The following SCAPER variants were observed in gnomAD, a reference collection of about 807,000 sequenced individuals.
SCAPER encodes S-phase cyclin A associated protein in the ER.
A neutral mutation model predicts 182.2 loss-of-function variants in SCAPER; 98 were observed. The ratio of observed to expected loss-of-function variants is 0.54; its 90% CI spans 0.46 to 0.64. The LOEUF (loss-of-function observed/expected upper bound fraction) is 0.64. Among genes scored for constraint, SCAPER ranks in the 30% least tolerant of loss-of-function variants. The pLI, the probability that SCAPER is intolerant of heterozygous loss-of-function variation, is 0.00. For synonymous variants in SCAPER, 605 were observed against 564.6 expected, an observed-to-expected ratio of 1.07 and a Z score of -1.01; for missense variants, 1,432 against 1,690.0, an observed-to-expected ratio of 0.85 and a Z score of 2.68.
At chr15:76,524,482 A>G in intron 23 of SCAPER, among the ~76,000 whole-genome samples, 1 of 152,222 alleles carries the variant, frequency 6.6e-6, no homozygotes, top group Non-Finnish European at 1.5e-5. Context: ...TGATTCCATT[A>G]GAAACAAGAT....
chr15:76,520,846 A>ATATT (rs1361200169), intron 23 of SCAPER, among the ~76,000 whole-genome samples: 6 of 152,200 alleles, frequency 3.9e-5, no homozygotes, highest in African/African-American at 1.4e-4. Flanking sequence ...ACACCATAGT[A>ATATT]TATTGCCTCC....
chr15:76,482,399 C>G (rs2051216781), intron 24 of SCAPER, among the ~76,000 whole-genome samples: 1 of 152,110 alleles, frequency 6.6e-6, no homozygotes, highest in Non-Finnish European at 1.5e-5. Context: ...TAAAGAGCAT[C>G]TATAAGAAAC....
chr15:76,427,304 G>A (rs965148594), intron 26 of SCAPER, among the ~76,000 whole-genome samples: 2 of 152,142 alleles, frequency 1.3e-5, no homozygotes, highest in Non-Finnish European at 1.5e-5. Context: ...GAAAATATCT[G>A]CAAACTATAC....
intron 22 of SCAPER, among the ~76,000 whole-genome samples, chr15:76,604,932 A>T (rs1299197667): frequency 1.3e-5 from 2 of 152,022 alleles, no homozygotes; most frequent in Non-Finnish European, 1.5e-5. Flanking sequence ...TTGGGCTGAG[A>T]CGATGGGGTT....
chr15:76,870,146 T>C (rs1262682350), intron 2 of SCAPER, among the ~76,000 whole-genome samples: 2 of 152,014 alleles, frequency 1.3e-5, no homozygotes, highest in Non-Finnish European at 2.9e-5. Context: ...GGTACAAATA[T>C]ATGGTTGGAT....
intron 29 of SCAPER, among the ~76,000 whole-genome samples, chr15:76,363,864 C>A (rs927779683): frequency 1.3e-5 from 2 of 152,208 alleles, no homozygotes; most frequent in African/African-American, 4.8e-5. Context: ...GGTGGCCAGG[C>A]GAGGCCAGTG....
intron 27 of SCAPER, among the ~76,000 whole-genome samples, chr15:76,382,936 T>C (rs1474878081): frequency 7.9e-5 from 12 of 152,172 alleles, no homozygotes; most frequent in Non-Finnish European, 1.2e-4. Context: ...AGGCAAGTTA[T>C]AAGTTTCTAC....
chr15:76,756,559 A>G (rs1004574547), intron 14 of SCAPER, among the ~76,000 whole-genome samples: 84 of 152,334 alleles, frequency 5.5e-4, no homozygotes, highest in Admixed American at 2.4e-3. Context: ...GCTGGGAGAC[A>G]GAGCAAGTCC....
At chr15:76,444,081 C>T (rs2047818481) in intron 25 of SCAPER, among the ~76,000 whole-genome samples, 1 of 152,212 alleles carries the variant, frequency 6.6e-6, no homozygotes, top group African/African-American at 2.4e-5. Flanking sequence ...CCTGGGAAAG[C>T]TTCACCAGAG....
chr15:76,492,411 T>C (rs1479375922), intron 24 of SCAPER, among the ~76,000 whole-genome samples: 2 of 152,222 alleles, frequency 1.3e-5, no homozygotes, highest in Non-Finnish European at 2.9e-5. Context: ...AATTTATTTA[T>C]TGTGGCAAGC....
intron 24 of SCAPER, among the ~76,000 whole-genome samples, chr15:76,499,420 G>C (rs2143669428): frequency 6.6e-6 from 1 of 152,260 alleles, no homozygotes; most frequent in South Asian, 2.1e-4. Flanking sequence ...GGCCATATTT[G>C]GCAAAAATGA....
rs115008372 is a variant in SCAPER, at chr15:76,887,517, G to A, written c.-59-3641C>T. On this transcript the variant is annotated intron_variant, in intron 1 of 31. Coordinates refer to ENST00000563290, the MANE Select transcript of SCAPER (RefSeq NM_020843.4). ...GGAGATCCTCTCCCATGCCTGGCTC[G>A]GTGGGTCCCACACCCACGGAGCCTT... Among the ~76,000 whole-genome samples the A allele has an allele frequency of 6.7e-3, 1,024 of 152,216 alleles. 13 individuals carry two copies. Among genetic ancestry groups the A allele is most frequent in the African/African-American group, 0.023 (968 of 41,532 alleles).
chr15:76,610,547 A>C (rs1378288697), intron 22 of SCAPER, among the ~76,000 whole-genome samples: 1 of 152,222 alleles, frequency 6.6e-6, no homozygotes, highest in Admixed American at 6.5e-5. Flanking sequence ...ATTCTACAAA[A>C]AAATCCTGAT....
chr15:76,473,661 C>T (rs143026061), intron 24 of SCAPER, among the ~76,000 whole-genome samples: 299 of 152,264 alleles, frequency 2.0e-3, no homozygotes, highest in African/African-American at 6.4e-3. Flanking sequence ...TAACCCAGAC[C>T]TAGTAAACAG....
chr15:76,631,982 C>T (rs899232310), intron 21 of SCAPER, among the ~76,000 whole-genome samples: 4 of 152,044 alleles, frequency 2.6e-5, no homozygotes, highest in African/African-American at 9.7e-5. Flanking sequence ...TTGTTTGTTC[C>T]TTTTCTTTCT....
At chr15:76,438,401 C>T (rs1161961716) in intron 25 of SCAPER, among the ~76,000 whole-genome samples, 1 of 152,128 alleles carries the variant, frequency 6.6e-6, no homozygotes, top group African/African-American at 2.4e-5. Context: ...AATGTTACCT[C>T]CTCATCTGCC....
rs546553624 is a variant in SCAPER at position 76,720,517 on chromosome 15, A to G, written c.2165+8078T>C. 1.4e-3 allele frequency among the ~76,000 whole-genome samples: 219 copies of G among 152,294 alleles called. 2 individuals are homozygous for G. Among genetic ancestry groups the G allele is most frequent in the African/African-American group, 4.8e-3 (198 of 41,562 alleles). On this transcript the variant is annotated intron_variant, in intron 17 of 31. Coordinates refer to ENST00000563290, the MANE Select transcript of SCAPER (RefSeq NM_020843.4). ...AGGAATCACCACACTGACTTCCACA[A>G]TGGTTGAACTAGTTTACAGTCCCAC...
rs547385345 is a variant in SCAPER at position 76,646,364 on chromosome 15, A to G, written c.2645+19289T>C. Among the ~76,000 whole-genome samples, 7 of 152,316 alleles carry G rather than the reference A, an allele frequency of 4.6e-5. No individual in the cohort carries two copies. In the South Asian group the frequency reaches 1.5e-3, roughly 32 times the overall value. ...TTAAAAATAGGAAGTCTATTAGCCTAGTGATTACCACTGGACACTGAAGCT... is the reference window on the plus strand; with the variant it reads ...TTAAAAATAGGAAGTCTATTAGCCTGGTGATTACCACTGGACACTGAAGCT... On this transcript the variant is annotated intron_variant, in intron 21 of 31. Transcript: ENST00000563290.
intron 21 of SCAPER, among the ~76,000 whole-genome samples, chr15:76,650,980 C>T (rs571425658): frequency 6.3e-4 from 95 of 151,816 alleles, no homozygotes; most frequent in Non-Finnish European, 3.4e-4. Flanking sequence ...CAAAATAATA[C>T]AACATATTAA....
Sources: allele counts gnomAD v4.1 joint callset (sites outside exome capture counted in the v4.1 genomes callset), GRCh38; gene constraint gnomAD v4.1.1; transcripts MANE v1.5; gene names NCBI Gene and HGNC (gene_info 2026-07-23, HGNC 2026-07-21).